GALNT14: variants seen among roughly 807,000 people sequenced by gnomAD.
GALNT14 encodes UDP-GalNAc:polypeptide N-acetylgalactosaminyltransferase 14.
Under a neutral mutation model 77.5 loss-of-function variants are expected in GALNT14, and 60 were observed. The ratio of observed to expected loss-of-function variants is 0.77; its 90% CI spans 0.63 to 0.96. The LOEUF is 0.96. Among genes scored for constraint, GALNT14 ranks in the 40% least tolerant of loss-of-function variants. GALNT14 has a pLI of 0.00. For synonymous variants in GALNT14, 280 were observed against 281.7 expected (o/e 0.99, Z 0.06); for missense variants, 710 against 731.0 (o/e 0.97, Z 0.33).
intron 1 of GALNT14, among the ~76,000 whole-genome samples, chr2:31,007,198 G>T (rs1670731119): frequency 6.6e-6 from 1 of 152,200 alleles, no homozygotes. Context: ...CTCAACCAAG[G>T]GCGGGTTTAG....
chr2:30,949,207 T>C (rs558625439), intron 6 of GALNT14, among the ~76,000 whole-genome samples: 1 of 152,320 alleles, frequency 6.6e-6, no homozygotes, highest in African/African-American at 2.4e-5. Flanking sequence ...GCTTTTGTAT[T>C]CCTCAGCTCT....
intron 1 of GALNT14, among the ~76,000 whole-genome samples, chr2:31,111,995 C>CTTT (rs398080139): frequency 1.5e-5 from 2 of 134,118 alleles, no homozygotes; most frequent in Non-Finnish European, 3.1e-5. Context: ...TGTGTACTTG[C>CTTT]TTTTTTTTTT....
intron 2 of GALNT14, among the ~76,000 whole-genome samples, chr2:30,978,217 C>T (rs1168164348): frequency 6.6e-6 from 1 of 152,222 alleles, no homozygotes; most frequent in Non-Finnish European, 1.5e-5. Context: ...TGTTACCTTC[C>T]CTCCTCCAGC....
At chr2:30,899,232 G>T in the GALNT14 span, among the ~76,000 whole-genome samples, 1 of 152,232 alleles carries the variant, frequency 6.6e-6, no homozygotes, top group Non-Finnish European at 1.5e-5. Flanking sequence ...AATGGGTGAA[G>T]CTCCGTTGTT....
At chr2:31,041,713 T>C (rs1227907175) in intron 1 of GALNT14, among the ~76,000 whole-genome samples, 1 of 152,098 alleles carries the variant, frequency 6.6e-6, no homozygotes, top group Non-Finnish European at 1.5e-5. Context: ...CTTGGGGGTT[T>C]CCTTGAATTG....
At chr2:31,063,629 G>C (rs1219559209) in intron 1 of GALNT14, among the ~76,000 whole-genome samples, 1 of 152,166 alleles carries the variant, frequency 6.6e-6, no homozygotes, top group Non-Finnish European at 1.5e-5. Context: ...GAATTGCATT[G>C]AATCTATTAA....
Position 31,138,155 on chromosome 2 carries a change from G to T in GALNT14, c.-69C>A. On this transcript the variant is annotated 5_prime_UTR_variant, in exon 1 of 15. Coordinates refer to ENST00000349752, the MANE Select transcript of GALNT14 (RefSeq NM_024572.4). Reference sequence around the variant, plus strand: ...GCACCCCCCGGCGGTCAGGGTTGGCGGGGCAGGAGTCCTGGCGAGCGCCTC... The same window carrying T: ...GCACCCCCCGGCGGTCAGGGTTGGCTGGGCAGGAGTCCTGGCGAGCGCCTC... 6.2e-7 allele frequency: 1 copy of T among 1,604,192 alleles called. No homozygotes were observed. Among genetic ancestry groups the T allele is most frequent in the Non-Finnish European group, 8.5e-7 (1 of 1,173,134 alleles).
At chr2:31,114,708 G>C (rs770716377) in intron 1 of GALNT14, 17 of 713,904 alleles carry the variant, frequency 2.4e-5, no homozygotes, top group Non-Finnish European at 3.6e-5. Context: ...ATACAAAAGA[G>C]ACAAGAATTT....
intron 3 of GALNT14, among the ~76,000 whole-genome samples, chr2:30,965,324 C>G (rs1667937987): frequency 6.6e-6 from 1 of 152,132 alleles, no homozygotes; most frequent in Admixed American, 6.5e-5. Flanking sequence ...ACCTCTGCAG[C>G]TGAGGTGCAC....
intron 6 of GALNT14, among the ~76,000 whole-genome samples, chr2:30,951,586 C>T (rs1257517825): frequency 6.6e-6 from 1 of 152,218 alleles, no homozygotes; most frequent in Admixed American, 6.5e-5. Flanking sequence ...CAATTGCCCA[C>T]TTTCAAAGGT....
At chr2:31,065,408 C>T (rs1674878242) in intron 1 of GALNT14, 1 of 152,194 alleles carries the variant, frequency 6.6e-6, no homozygotes, top group Non-Finnish European at 1.5e-5. Context: ...GATCCATTTT[C>T]TGCATCAGAA....
intron 1 of GALNT14, among the ~76,000 whole-genome samples, chr2:31,090,904 C>G (rs545982810): frequency 6.6e-6 from 1 of 152,060 alleles, no homozygotes; most frequent in Non-Finnish European, 1.5e-5. Context: ...TATAAACTGG[C>G]GAGTGTTTTA....
intron 1 of GALNT14, among the ~76,000 whole-genome samples, chr2:31,076,725 G>A (rs1037177692): frequency 1.3e-5 from 2 of 150,948 alleles, no homozygotes; most frequent in Admixed American, 1.3e-4. Context: ...CAATAATACT[G>A]TCTTACTGAT....
chr2:30,986,936 G>A (rs1045915318), intron 2 of GALNT14: 4 of 152,204 alleles, frequency 2.6e-5, no homozygotes, highest in African/African-American at 9.7e-5. Context: ...TTGTTCGATT[G>A]AGGTGAGTGG....
chr2:30,901,365 A>G, the GALNT14 span, among the ~76,000 whole-genome samples: 2 of 152,098 alleles, frequency 1.3e-5, no homozygotes, highest in African/African-American at 4.8e-5. Flanking sequence ...ATTTCTCCCC[A>G]TTCACTCAAC....
chr2:31,130,002 C>A (rs1475592721), intron 1 of GALNT14, among the ~76,000 whole-genome samples: 1 of 152,198 alleles, frequency 6.6e-6, no homozygotes, highest in African/African-American at 2.4e-5. Context: ...TTGTTCTCTT[C>A]ATCTGGGCAT....
chr2:31,023,202 C>A (rs1226007171), intron 1 of GALNT14, among the ~76,000 whole-genome samples: 3 of 152,084 alleles, frequency 2.0e-5, no homozygotes, highest in African/African-American at 7.2e-5. Flanking sequence ...TTTGAAGGCT[C>A]AAACCAAAAT....
chr2:31,068,502 C>T (rs1223357772), intron 1 of GALNT14, among the ~76,000 whole-genome samples: 7 of 118,410 alleles, frequency 5.9e-5, no homozygotes, highest in South Asian at 5.5e-4. Context: ...AGCAAGACCC[C>T]GTCTCAAAAA....
At chr2:30,947,359 G>A (rs1666762297) in intron 6 of GALNT14, among the ~76,000 whole-genome samples, 1 of 152,128 alleles carries the variant, frequency 6.6e-6, no homozygotes, top group Non-Finnish European at 1.5e-5. Flanking sequence ...CTCATTACTT[G>A]CTACGTCCCT....
Sources: allele counts gnomAD v4.1 joint callset (sites outside exome capture counted in the v4.1 genomes callset), GRCh38; gene constraint gnomAD v4.1.1; transcripts MANE v1.5; gene names NCBI Gene and HGNC (gene_info 2026-07-23, HGNC 2026-07-21).